The following CCNY variants were observed in gnomAD, a reference collection of about 807,000 sequenced individuals.
The protein encoded by CCNY is cyclin-Y.
Under a neutral mutation model 42.8 loss-of-function variants are expected in CCNY, and 19 were observed. That is an observed-to-expected ratio of 0.44 (90% CI 0.31 to 0.65). The LOEUF (loss-of-function observed/expected upper bound fraction) is 0.65. Among genes scored for constraint, CCNY ranks in the 30% least tolerant of loss-of-function variants. The pLI, the probability that CCNY is intolerant of heterozygous loss-of-function variation, is 0.07. For missense variants in CCNY, 370 were observed against 437.3 expected, an observed-to-expected ratio of 0.85 and a Z score of 1.37; for synonymous variants, 165 against 162.7, an observed-to-expected ratio of 1.01 and a Z score of -0.11.
Position 35,442,094 on chromosome 10 carries a change from G to A in CCNY, c.155-41310G>A, listed in dbSNP as rs535521455. On this transcript the variant is annotated intron_variant, in intron 1 of 9. Coordinates refer to ENST00000374704, the MANE Select transcript of CCNY (RefSeq NM_145012.6). ...GTCCTAGTAAAGCAATAGTGAAAGT[G>A]TACCTGGGTATAACACATGGGCTGG... Among the ~76,000 whole-genome samples the A allele has an allele frequency of 9.8e-5, 15 of 152,310 alleles. No individual in the cohort carries two copies. The South Asian group carries it at 2.5e-3, about 25-fold the overall frequency.
intron 2 of CCNY, 121 bp from the exon 3 acceptor site, chr10:35,501,380 C>T (rs1840107190): frequency 2.6e-6 from 2 of 758,894 alleles, no homozygotes; most frequent in East Asian, 4.9e-5. Flanking sequence ...GATAAATGAG[C>T]AAGTGGGTAT....
intron 1 of CCNY, among the ~76,000 whole-genome samples, chr10:35,442,775 C>T (rs1405108076): frequency 2.6e-5 from 4 of 152,158 alleles, no homozygotes; most frequent in East Asian, 1.9e-4. Flanking sequence ...ATTTCATATA[C>T]AGTCGTGTCA....
intron 1 of CCNY, among the ~76,000 whole-genome samples, chr10:35,377,964 T>G: frequency 6.6e-6 from 1 of 152,192 alleles, no homozygotes; most frequent in East Asian, 1.9e-4. Context: ...TACACAGATG[T>G]GATTGGAAAA....
chr10:35,451,459 G>A lies in CCNY; in HGVS notation c.155-31945G>A, dbSNP rs118180121. Among the ~76,000 whole-genome samples, 1,248 of 152,344 alleles carry A rather than the reference G, an allele frequency of 8.2e-3. 10 individuals carry two copies. Among genetic ancestry groups the A allele is most frequent in the Admixed American group, 0.017 (257 of 15,306 alleles). On this transcript the variant is annotated intron_variant, in intron 1 of 9. Transcript: ENST00000374704. The stretch of plus-strand genomic sequence containing the variant: ...TCGTCTTAAAATGACTGGAAAGTTG[G>A]TGATGAACAGAAGGCTTATTTTGAT...
chr10:35,368,873 G>A (rs977301506), intron 1 of CCNY, among the ~76,000 whole-genome samples: 5 of 152,188 alleles, frequency 3.3e-5, no homozygotes, highest in Non-Finnish European at 5.9e-5. Context: ...ACCAGAGGAA[G>A]TGAGGCTGGG....
At chr10:35,251,887 C>T (rs1321312233) in intron 3 of CCNY, among the ~76,000 whole-genome samples, 2 of 152,148 alleles carry the variant, frequency 1.3e-5, no homozygotes, top group Admixed American at 6.6e-5. Context: ...CTGTGGCCAG[C>T]CTTCAACACA....
intron 3 of CCNY, among the ~76,000 whole-genome samples, chr10:35,269,974 C>T (rs1379669422): frequency 3.3e-5 from 5 of 152,290 alleles, no homozygotes; most frequent in South Asian, 4.1e-4. Context: ...ATAATTCAGA[C>T]AGGTTCTTTG....
chr10:35,548,194 T>TA (rs1423917393), intron 7 of CCNY, among the ~76,000 whole-genome samples: 3 of 151,394 alleles, frequency 2.0e-5, no homozygotes, highest in Non-Finnish European at 4.4e-5. Flanking sequence ...ATATGTATGC[T>TA]ATACTGTATT....
At chr10:35,384,218 A>C (rs559572380) in intron 1 of CCNY, among the ~76,000 whole-genome samples, 2 of 152,344 alleles carry the variant, frequency 1.3e-5, no homozygotes, top group South Asian at 4.1e-4. Context: ...GATTAAAAAA[A>C]ACATGGCATC....
At chr10:35,538,770 T>C (rs1840937835) in intron 7 of CCNY, among the ~76,000 whole-genome samples, 1 of 152,250 alleles carries the variant, frequency 6.6e-6, no homozygotes, top group East Asian at 1.9e-4. Flanking sequence ...TTTTTTGTAA[T>C]GGTATCAGTT....
chr10:35,334,869 A>G (rs1835991989), upstream of CCNY, among the ~76,000 whole-genome samples: 1 of 152,246 alleles, frequency 6.6e-6, no homozygotes, highest in African/African-American at 2.4e-5. Context: ...ATGCTAGATA[A>G]ATATCAAGTC....
At chr10:35,380,293 A>G (rs1837151372) in intron 1 of CCNY, among the ~76,000 whole-genome samples, 1 of 152,212 alleles carries the variant, frequency 6.6e-6, no homozygotes, top group Non-Finnish European at 1.5e-5. Context: ...TTATGCAGTG[A>G]TTACTTGAGG....
intron 1 of CCNY, among the ~76,000 whole-genome samples, chr10:35,449,290 G>A (rs1047251512): frequency 7.5e-6 from 1 of 133,922 alleles, no homozygotes. Context: ...GGGGCAGGGA[G>A]GGGGGTGAAG....
At chr10:35,479,356 C>T (rs1467029707) in intron 1 of CCNY, among the ~76,000 whole-genome samples, 4 of 147,160 alleles carry the variant, frequency 2.7e-5, no homozygotes, top group Non-Finnish European at 6.0e-5. Context: ...GGAACCAACC[C>T]AAATGTCCAA....
At chr10:35,486,320 A>G (rs539016877) in intron 2 of CCNY, among the ~76,000 whole-genome samples, 46 of 152,332 alleles carry the variant, frequency 3.0e-4, no homozygotes, top group Non-Finnish European at 2.4e-4. Context: ...AAATGCTGCA[A>G]ATCAGAGCAT....
intron 1 of CCNY, among the ~76,000 whole-genome samples, chr10:35,426,172 C>T (rs1838267683): frequency 6.7e-6 from 1 of 148,670 alleles, no homozygotes; most frequent in African/African-American, 2.5e-5. Flanking sequence ...TGTGCGTGTG[C>T]TCTCATTCAC....
At chr10:35,485,184 C>A (rs959040652) in intron 2 of CCNY, among the ~76,000 whole-genome samples, 2 of 152,218 alleles carry the variant, frequency 1.3e-5, no homozygotes, top group Non-Finnish European at 2.9e-5. Context: ...TACCTCTCTC[C>A]CTGTCCACTC....
chr10:35,326,411 G>A (rs1230945752), intron 3 of CCNY, among the ~76,000 whole-genome samples: 1 of 152,206 alleles, frequency 6.6e-6, no homozygotes, highest in African/African-American at 2.4e-5. Flanking sequence ...TGGAACCGAA[G>A]TGACTAGACA....
chr10:35,458,159 G>A (rs1682945419), intron 1 of CCNY, among the ~76,000 whole-genome samples: 1 of 152,212 alleles, frequency 6.6e-6, no homozygotes, highest in African/African-American at 2.4e-5. Flanking sequence ...GTGCTTGACT[G>A]CTGTAGAGGA....
Sources: gnomAD v4.1 joint callset for allele counts (sites outside exome capture counted in the v4.1 genomes callset) on GRCh38, gnomAD v4.1.1 for gene constraint, MANE v1.5 for transcripts, NCBI Gene and HGNC (gene_info 2026-07-23, HGNC 2026-07-21) for gene names.